Variants in SPON1 observed in about 807,000 individuals in gnomAD.
SPON1 encodes the protein spondin-1.
A neutral mutation model predicts 111.7 loss-of-function variants in SPON1; 52 were observed. The observed-to-expected ratio is 0.47, with a 90% CI of 0.37 to 0.59. SPON1 has a LOEUF of 0.59. Among genes scored for constraint, SPON1 ranks in the 20% least tolerant of loss-of-function variants. The probability of loss-of-function intolerance (pLI) is 0.00; values close to 1 mark genes in which losing one functional copy is unlikely to be tolerated. For missense variants in SPON1, 957 were observed against 1,068.5 expected (o/e 0.90, Z 1.46); for synonymous variants, 410 against 395.8 (o/e 1.04, Z -0.43).
chr11:14,259,236 C>T lies in SPON1; in HGVS notation c.1493-44C>T, dbSNP rs782619225. The stretch of plus-strand genomic sequence containing the variant: ...CCCACCGCGCAGCCTGGCAGGCGCC[C>T]CTGCCACCGTGCACTGCTGCAGCGT... On this transcript the variant is annotated intron_variant, in intron 11 of 15. Coordinates refer to ENST00000576479, the MANE Select transcript of SPON1 (RefSeq NM_006108.4). This position sits in a 1 kb window ranked among gnomAD's most constrained non-coding sequence, Gnocchi z 5.0. 5.2e-6 allele frequency: 8 copies of T among 1,528,338 alleles called. No individual in the cohort carries two copies. In the Admixed American group the frequency reaches 6.0e-5, roughly 11 times the overall value. 94.7% of individuals were successfully genotyped at this position (1,528,338 alleles called of 1,614,324 possible). A position where few individuals can be genotyped will look rare whatever the true frequency, so the allele number is the denominator to read the frequency against.
rs782489734 is a variant in SPON1 at position 13,962,896 on chromosome 11, G to C, written c.-9G>C. The C allele has an allele frequency of 7.8e-5, 117 of 1,504,110 alleles. No homozygotes were observed. The highest frequency in any genetic ancestry group is 2.0e-4 in the Admixed American group (9 of 45,368). The allele number at this position is 1,504,110 out of a possible 1,614,324, so 93.2% of individuals were successfully genotyped here. A position where few individuals can be genotyped will look rare whatever the true frequency, so the allele number is the denominator to read the frequency against. On this transcript the variant is annotated 5_prime_UTR_variant, in exon 1 of 16. Coordinates refer to ENST00000576479, the MANE Select transcript of SPON1 (RefSeq NM_006108.4). ...CTGCGGCCGCGGCACAAAGTTGGGG[G>C]CCGCGAAGATGAGGCTGTCCCCGGC...
At position 13,982,750 on chromosome 11, in the gene SPON1, G is replaced by C. The variant is rs931671300; in HGVS notation, c.239-97G>C. 2.3e-5 allele frequency: 19 copies of C among 816,840 alleles called. No individual in the cohort carries two copies. The Admixed American group carries it at 3.6e-4, about 15-fold the overall frequency. 50.6% of individuals were successfully genotyped at this position (816,840 alleles called of 1,614,324 possible). On this transcript the variant is annotated intron_variant, in intron 1 of 15. Transcript: ENST00000576479. ...TGTCCACGGCCTCTGTAACTCACAG[G>C]TCTGGGATATCGATGGAGAACTCAG...
intron 6 of SPON1, among the ~76,000 whole-genome samples, chr11:14,184,061 T>C (rs894782498): frequency 3.3e-5 from 5 of 152,156 alleles, no homozygotes; most frequent in Non-Finnish European, 5.9e-5. Context: ...ATGTCAAACA[T>C]CCAGCCCACG....
intron 1 of SPON1, among the ~76,000 whole-genome samples, chr11:13,980,286 C>T (rs568574405): frequency 6.6e-6 from 1 of 152,318 alleles, no homozygotes; most frequent in South Asian, 2.1e-4. Context: ...AGTGATCCAC[C>T]CACCTCGGCC....
At chr11:14,169,233 T>C (rs1245227773) in intron 6 of SPON1, among the ~76,000 whole-genome samples, 1 of 152,244 alleles carries the variant, frequency 6.6e-6, no homozygotes, top group African/African-American at 2.4e-5. Flanking sequence ...GGTTTTGATT[T>C]GCATTTCTCT....
intron 2 of SPON1, among the ~76,000 whole-genome samples, chr11:14,028,712 C>G (rs1299104967): frequency 1.3e-5 from 2 of 152,102 alleles, no homozygotes; most frequent in East Asian, 3.9e-4. Flanking sequence ...GCTCCAGGTC[C>G]CCTTCTGGGC....
At chr11:14,171,466 A>G (rs1159743517) in intron 6 of SPON1, among the ~76,000 whole-genome samples, 2 of 152,092 alleles carry the variant, frequency 1.3e-5, no homozygotes, top group African/African-American at 4.8e-5. Flanking sequence ...GGATTTTTTG[A>G]AGGGTTTTTT....
rs183180800 is a variant in SPON1, at chr11:14,007,435, T to G, written c.345+24482T>G. On this transcript the variant is annotated intron_variant, in intron 2 of 15. Coordinates refer to ENST00000576479, the MANE Select transcript of SPON1 (RefSeq NM_006108.4). The stretch of plus-strand genomic sequence containing the variant: ...AAGAATCCAGCATGGGAGAAAGATG[T>G]AGTCTGGGAGGCTAGGCCAGTCTCT... Among the ~76,000 whole-genome samples the G allele has an allele frequency of 3.0e-3, 462 of 152,288 alleles. 1 individual carries two copies. Among genetic ancestry groups the G allele is most frequent in the African/African-American group, 0.011 (440 of 41,558 alleles).
rs529953508 is a variant in SPON1 at position 14,261,641 on chromosome 11, A to C, written c.1996+889A>C. ...TTTTAGGAGACTCAGCCATGGGTGGAGGTAACTTGGACCACCCACTAGAGA... is the reference window on the plus strand; with the variant it reads ...TTTTAGGAGACTCAGCCATGGGTGGCGGTAACTTGGACCACCCACTAGAGA... On this transcript the variant is annotated intron_variant, in intron 14 of 15. Transcript: ENST00000576479. 3.5e-4 allele frequency among the ~76,000 whole-genome samples: 53 copies of C among 152,178 alleles called. 1 individual carries two copies. Among genetic ancestry groups the C allele is most frequent in the African/African-American group, 1.3e-3 (53 of 41,440 alleles).
At chr11:14,116,472 G>A (rs1371838117) in intron 5 of SPON1, among the ~76,000 whole-genome samples, 1 of 152,076 alleles carries the variant, frequency 6.6e-6, no homozygotes, top group Non-Finnish European at 1.5e-5. Flanking sequence ...ACTATTGATT[G>A]AAGTGTCCAT....
At chr11:13,998,831 A>C (rs113990748) in intron 2 of SPON1, among the ~76,000 whole-genome samples, 1 of 152,204 alleles carries the variant, frequency 6.6e-6, no homozygotes, top group Non-Finnish European at 1.5e-5. Context: ...TTCCACATCT[A>C]TTTTCTAAAG....
chr11:14,124,125 A>C (rs1290973838), intron 5 of SPON1, among the ~76,000 whole-genome samples: 1 of 152,114 alleles, frequency 6.6e-6, no homozygotes, highest in Non-Finnish European at 1.5e-5. Flanking sequence ...GTCATATCCT[A>C]TCATGATCTG....
At chr11:14,040,506 T>C (rs1381889889) in intron 2 of SPON1, among the ~76,000 whole-genome samples, 4 of 152,102 alleles carry the variant, frequency 2.6e-5, no homozygotes, top group African/African-American at 9.7e-5. Context: ...AGATAAAAAG[T>C]AATAGAAAAT....
intron 3 of SPON1, among the ~76,000 whole-genome samples, chr11:14,060,561 C>T (rs868908542): frequency 1.3e-5 from 2 of 152,186 alleles, no homozygotes; most frequent in Non-Finnish European, 2.9e-5. Context: ...ACCAGGGATT[C>T]TTGGCCCTGG....
chr11:14,143,783 G>C (rs1410421424), intron 6 of SPON1, among the ~76,000 whole-genome samples: 1 of 152,146 alleles, frequency 6.6e-6, no homozygotes, highest in Non-Finnish European at 1.5e-5. Flanking sequence ...CCAGAGTTCA[G>C]AGCTGCACCA....
At chr11:14,054,432 T>G (rs138257162) in intron 3 of SPON1, among the ~76,000 whole-genome samples, 36 of 152,320 alleles carry the variant, frequency 2.4e-4, no homozygotes, top group African/African-American at 8.2e-4. Flanking sequence ...AATCATTATC[T>G]TCATCATTTG....
intron 5 of SPON1, among the ~76,000 whole-genome samples, chr11:14,108,420 A>G (rs1343924436): frequency 6.6e-6 from 1 of 152,140 alleles, no homozygotes; most frequent in South Asian, 2.1e-4. Context: ...ATTGGCTTCC[A>G]TCACCTGATG....
At chr11:14,258,805 T>TACAA (rs1383800341) in intron 11 of SPON1, among the ~76,000 whole-genome samples, 2 of 152,172 alleles carry the variant, frequency 1.3e-5, no homozygotes, top group Non-Finnish European at 1.5e-5. Context: ...AAGTCATTCC[T>TACAA]ACAAACAGGC....
In SPON1 at chr11:14,250,407, G is replaced by GT. The variant is rs1205560353; in HGVS notation, c.891-4111dup. Among the ~76,000 whole-genome samples, 373 of 144,454 alleles carry GT rather than the reference G, an allele frequency of 2.6e-3. 2 individuals are homozygous for GT. The highest frequency in any genetic ancestry group is 3.8e-3 in the Non-Finnish European group (246 of 65,568). The allele number at this position is 144,454 out of a possible 152,430, so 94.8% of individuals were successfully genotyped here. A position where few individuals can be genotyped will look rare whatever the true frequency, so the allele number is the denominator to read the frequency against. On this transcript the variant is annotated intron_variant, in intron 7 of 15. Transcript: ENST00000576479. ...GTGTGGTATATTAAATGTGAATCCA[G>GT]TTTTTTTTTTATTACAGTTAACTTA... is the stretch of plus-strand genomic sequence containing the variant.
Sources: gnomAD v4.1 joint callset for allele counts (sites outside exome capture counted in the v4.1 genomes callset) on GRCh38, gnomAD v4.1.1 for gene constraint, Gnocchi (gnomAD v3.1) non-coding constraint, MANE v1.5 for transcripts, NCBI Gene and HGNC (gene_info 2026-07-23, HGNC 2026-07-21) for gene names.